PLPP4: variants seen among roughly 807,000 people sequenced by gnomAD.
The protein encoded by PLPP4 is diacylglycerol pyrophosphate like 2.
In PLPP4, 20 loss-of-function variants were observed where a neutral mutation model predicts 32.2. The ratio of observed to expected loss-of-function variants is 0.62; its 90% confidence interval spans 0.44 to 0.90. The LOEUF is 0.90. Among genes scored for constraint, PLPP4 ranks in the 40% least tolerant of loss-of-function variants. The pLI is 0.00. For missense variants in PLPP4, 257 were observed against 353.1 expected (o/e 0.73, Z 2.18); for synonymous variants, 127 against 133.0 (o/e 0.95, Z 0.31).
In PLPP4 at chr10:120,515,434, C is replaced by G. The variant is rs142821785; in HGVS notation, c.256+1433C>G. 3.5e-4 allele frequency among the ~76,000 whole-genome samples: 53 copies of G among 152,282 alleles called. 1 individual carries two copies. Among genetic ancestry groups the G allele is most frequent in the African/African-American group, 1.2e-3 (51 of 41,572 alleles). ...GTGATTTCTGCCACAAATCTGTCTGCCTGTTCAACTTCGGTGCCCACCCAC... is the reference window on the plus strand; with the variant it reads ...GTGATTTCTGCCACAAATCTGTCTGGCTGTTCAACTTCGGTGCCCACCCAC... On this transcript the variant is annotated intron_variant, in intron 3 of 6. Transcript: ENST00000398250.
chr10:120,503,860 A>G lies in PLPP4; in HGVS notation c.99A>G (p.Pro33=). The G allele has an allele frequency of 6.2e-7, 1 of 1,614,136 alleles. No individual in the cohort carries two copies. Among genetic ancestry groups the G allele is most frequent in the South Asian group, 1.1e-5 (1 of 91,082 alleles). Reference sequence around the variant, plus strand: ...ATCCGTTCCAGAGAGTCATCCAGCCAGAAGAGATCTGGCTCTATAAAAATC... The same window carrying G: ...ATCCGTTCCAGAGAGTCATCCAGCCGGAAGAGATCTGGCTCTATAAAAATC... ...FLDPFQRVIQ[P]EEIWLYKNPL... The change falls in exon 2 of 7, where the codon CCA becomes CCG. Residue 33 remains proline (P), a synonymous_variant. Transcript: ENST00000398250.
chr10:120,480,466 C>T (rs115800676), intron 1 of PLPP4, among the ~76,000 whole-genome samples: 8 of 152,040 alleles, frequency 5.3e-5, no homozygotes, highest in African/African-American at 1.5e-4. Flanking sequence ...GACAGAAGAC[C>T]GAGATGGAAA....
chr10:120,459,306 T>C (rs1847935849), intron 1 of PLPP4, among the ~76,000 whole-genome samples: 1 of 152,320 alleles, frequency 6.6e-6, no homozygotes, highest in South Asian at 2.1e-4. Context: ...TTGTTAACAG[T>C]GTGTCCAACT....
chr10:120,564,582 A>G (rs1005196289), intron 5 of PLPP4, among the ~76,000 whole-genome samples: 3 of 151,906 alleles, frequency 2.0e-5, no homozygotes, highest in Non-Finnish European at 4.4e-5. Flanking sequence ...ATTTTCCACT[A>G]TTATGGCAAA....
intron 6 of PLPP4, among the ~76,000 whole-genome samples, chr10:120,583,474 A>G (rs1367372862): frequency 6.6e-6 from 1 of 152,102 alleles, no homozygotes; most frequent in Non-Finnish European, 1.5e-5. Flanking sequence ...CAATTATAAA[A>G]TTCTCCCTTT....
intron 5 of PLPP4, among the ~76,000 whole-genome samples, chr10:120,534,376 C>G (rs533715887): frequency 1.3e-5 from 2 of 151,608 alleles, no homozygotes; most frequent in Non-Finnish European, 2.9e-5. Context: ...ATATTTTTTC[C>G]TTCTTTGGCA....
chr10:120,522,297 A>G (rs1281632908), intron 5 of PLPP4, among the ~76,000 whole-genome samples: 3 of 152,160 alleles, frequency 2.0e-5, no homozygotes, highest in Non-Finnish European at 2.9e-5. Flanking sequence ...TCTGTTGAAC[A>G]TGTTGCTCAG....
chr10:120,500,407 G>A (rs955632516), intron 1 of PLPP4, among the ~76,000 whole-genome samples: 1 of 152,166 alleles, frequency 6.6e-6, no homozygotes, highest in African/African-American at 2.4e-5. Flanking sequence ...AGAGGTGGCT[G>A]CAGCCATATC....
At chr10:120,476,286 C>A (rs1278042917) in intron 1 of PLPP4, among the ~76,000 whole-genome samples, 1 of 152,250 alleles carries the variant, frequency 6.6e-6, no homozygotes, top group Non-Finnish European at 1.5e-5. Flanking sequence ...TAAGTTATAA[C>A]AACTGCTTCT....
intron 5 of PLPP4, among the ~76,000 whole-genome samples, chr10:120,523,112 A>G (rs1817517049): frequency 6.6e-6 from 1 of 152,196 alleles, no homozygotes; most frequent in African/African-American, 2.4e-5. Context: ...CCTGGCCAAC[A>G]TGGTGAAACC....
intron 5 of PLPP4, among the ~76,000 whole-genome samples, chr10:120,571,871 A>G (rs1177684917): frequency 6.6e-6 from 1 of 152,240 alleles, no homozygotes; most frequent in Non-Finnish European, 1.5e-5. Flanking sequence ...CCTTTGTCAA[A>G]GGATATTATG....
intron 6 of PLPP4, among the ~76,000 whole-genome samples, chr10:120,575,561 C>T (rs1849183759): frequency 6.6e-6 from 1 of 152,070 alleles, no homozygotes; most frequent in Admixed American, 6.5e-5. Flanking sequence ...AATGTCAGGC[C>T]CTTTGGTTTA....
intron 6 of PLPP4, among the ~76,000 whole-genome samples, chr10:120,582,690 G>A (rs1464165155): frequency 1.3e-5 from 2 of 151,436 alleles, no homozygotes; most frequent in Non-Finnish European, 2.9e-5. Flanking sequence ...GGTTTTACTA[G>A]TAACTTATTC....
At chr10:120,493,294 C>T (rs1844801585) in intron 1 of PLPP4, among the ~76,000 whole-genome samples, 2 of 152,088 alleles carry the variant, frequency 1.3e-5, no homozygotes, top group South Asian at 4.2e-4. Flanking sequence ...TTGACTTGTT[C>T]CTCTTCCCCT....
intron 2 of PLPP4, 99 bp from the exon 3 acceptor site, chr10:120,513,812 C>A: frequency 1.1e-6 from 1 of 900,964 alleles, no homozygotes; most frequent in Non-Finnish European, 1.8e-6. Flanking sequence ...GATTATTCAA[C>A]CAGGGAGTCT....
At chr10:120,531,823 A>G (rs756208754) in intron 5 of PLPP4, among the ~76,000 whole-genome samples, 2 of 151,910 alleles carry the variant, frequency 1.3e-5, no homozygotes, top group East Asian at 1.9e-4. Context: ...ACATATATAT[A>G]TATGTACACA....
chr10:120,574,492 A>G (rs1434777692), intron 5 of PLPP4, among the ~76,000 whole-genome samples: 1 of 152,222 alleles, frequency 6.6e-6, no homozygotes, highest in Admixed American at 6.5e-5. Flanking sequence ...TTTGCAATTC[A>G]GAAAAAACAA....
At chr10:120,582,135 G>A (rs1316868318) in intron 6 of PLPP4, among the ~76,000 whole-genome samples, 2 of 152,164 alleles carry the variant, frequency 1.3e-5, no homozygotes, top group South Asian at 2.1e-4. Context: ...AGGGTCCTAC[G>A]GCTGCCATAG....
At chr10:120,577,842 C>A (rs1372687984) in intron 6 of PLPP4, among the ~76,000 whole-genome samples, 1 of 152,214 alleles carries the variant, frequency 6.6e-6, no homozygotes, top group Non-Finnish European at 1.5e-5. Context: ...GGCTCTGAGT[C>A]AGGCTCATTT....
Sources: gnomAD v4.1 joint callset for allele counts (sites outside exome capture counted in the v4.1 genomes callset) on GRCh38, gnomAD v4.1.1 for gene constraint, MANE v1.5 for transcripts, NCBI Gene and HGNC (gene_info 2026-07-23, HGNC 2026-07-21) for gene names.